INPP4B: variants seen among roughly 807,000 people sequenced by gnomAD.
The protein encoded by INPP4B is inositol polyphosphate-4-phosphatase type II B.
INPP4B carries 55 observed loss-of-function variants against 122.5 expected under a neutral mutation model. The ratio of observed to expected loss-of-function variants is 0.45; its 90% CI spans 0.36 to 0.56. The LOEUF is 0.56. INPP4B is among the 20% of genes least tolerant of loss of function. INPP4B has a pLI of 0.00. For synonymous variants in INPP4B, 403 were observed against 388.7 expected (o/e 1.04, Z -0.43); for missense variants, 1,000 against 1,097.7 (o/e 0.91, Z 1.26).
chr4:142,418,347 G>C (rs1806188038), intron 5 of INPP4B, among the ~76,000 whole-genome samples: 1 of 152,038 alleles, frequency 6.6e-6, no homozygotes, highest in Non-Finnish European at 1.5e-5. Flanking sequence ...TGAGGATAAA[G>C]CAATGGAATT....
chr4:142,478,375 C>G (rs1237731717), intron 2 of INPP4B, among the ~76,000 whole-genome samples: 1 of 151,500 alleles, frequency 6.6e-6, no homozygotes. Context: ...CTCCTTTTGC[C>G]CATTCAATAT....
chr4:142,558,235 A>G (rs1392250551), intron 2 of INPP4B, among the ~76,000 whole-genome samples: 1 of 152,064 alleles, frequency 6.6e-6, no homozygotes, highest in Non-Finnish European at 1.5e-5. Context: ...CAGTCTGTGT[A>G]CTCAGGTCAC....
At chr4:142,814,472 C>T (rs555431786) in intron 1 of INPP4B, among the ~76,000 whole-genome samples, 1 of 152,234 alleles carries the variant, frequency 6.6e-6, no homozygotes, top group East Asian at 1.9e-4. Context: ...ATAGATACCA[C>T]TATCTAGTTC....
chr4:142,177,258 A>T (rs1828749933), intron 15 of INPP4B, among the ~76,000 whole-genome samples: 1 of 3,680 alleles, frequency 2.7e-4, no homozygotes, highest in South Asian at 0.1. Flanking sequence ...ATAGTATGGT[A>T]TGGAAAAAAA....
chr4:142,705,828 T>G (rs1369497650), intron 2 of INPP4B, among the ~76,000 whole-genome samples: 2 of 152,230 alleles, frequency 1.3e-5, no homozygotes, highest in East Asian at 3.8e-4. Context: ...AGTTAAGCAC[T>G]CAGTATACTG....
At chr4:142,631,118 T>C (rs1747855174) in intron 2 of INPP4B, among the ~76,000 whole-genome samples, 1 of 152,046 alleles carries the variant, frequency 6.6e-6, no homozygotes. Context: ...ACCCTCCAGG[T>C]ACAACATACA....
intron 2 of INPP4B, among the ~76,000 whole-genome samples, chr4:142,687,365 G>C (rs562405870): frequency 6.6e-6 from 1 of 151,862 alleles, no homozygotes; most frequent in East Asian, 1.9e-4. Flanking sequence ...ATCAAGAAAA[G>C]GCAAAAATAA....
At chr4:142,455,581 G>A (rs1815227980) in intron 3 of INPP4B, among the ~76,000 whole-genome samples, 1 of 151,884 alleles carries the variant, frequency 6.6e-6, no homozygotes, top group Non-Finnish European at 1.5e-5. Context: ...CACTTAGGCT[G>A]CTTCCAACTA....
intron 15 of INPP4B, among the ~76,000 whole-genome samples, chr4:142,185,274 A>C (rs1832641061): frequency 6.6e-6 from 1 of 152,002 alleles, no homozygotes; most frequent in Non-Finnish European, 1.5e-5. Flanking sequence ...AAAAGAAGCA[A>C]GTTTGAGAGC....
chr4:142,693,773 T>G (rs909499219), intron 2 of INPP4B, among the ~76,000 whole-genome samples: 42 of 152,296 alleles, frequency 2.8e-4, no homozygotes, highest in African/African-American at 9.9e-4. Flanking sequence ...ATGATATATG[T>G]TGTTTTATCT....
chr4:142,803,649 T>TAAAAAAAAAAAAAA (rs34262906), intron 1 of INPP4B, among the ~76,000 whole-genome samples: 4 of 138,932 alleles, frequency 2.9e-5, no homozygotes, highest in Non-Finnish European at 4.7e-5. Flanking sequence ...CAATAAAACT[T>TAAAAAAAAAAAAAA]AAAAAAAAAA....
At chr4:142,091,517 G>T (rs28460053) in intron 23 of INPP4B, among the ~76,000 whole-genome samples, 38,067 of 152,028 alleles carry the variant, frequency 0.25, 4,813 homozygotes, top group East Asian at 0.3. Flanking sequence ...CAGCCTCAGA[G>T]GGGAAGCCTA....
At chr4:142,053,454 A>G (rs193228924) in intron 25 of INPP4B, among the ~76,000 whole-genome samples, 34 of 152,190 alleles carry the variant, frequency 2.2e-4, no homozygotes, top group South Asian at 6.2e-4. Flanking sequence ...GGAAACATGT[A>G]TTTTATAAAC....
At chr4:142,634,236 GC>G (rs1748622842) in intron 2 of INPP4B, among the ~76,000 whole-genome samples, 1 of 152,104 alleles carries the variant, frequency 6.6e-6, no homozygotes, top group South Asian at 2.1e-4. Context: ...AGATGGCTTG[GC>G]TGATAATTCT....
chr4:142,538,545 C>A (rs967346270), intron 2 of INPP4B, among the ~76,000 whole-genome samples: 1 of 151,998 alleles, frequency 6.6e-6, no homozygotes, highest in Non-Finnish European at 1.5e-5. Flanking sequence ...ATATGATATT[C>A]TTTGTGATAT....
At chr4:142,312,013 A>C (rs1765686472) in intron 8 of INPP4B, among the ~76,000 whole-genome samples, 1 of 152,200 alleles carries the variant, frequency 6.6e-6, no homozygotes, top group African/African-American at 2.4e-5. Context: ...CCCATTCATT[A>C]GTTTTAAGCC....
At chr4:142,441,414 G>A (rs900586046) in intron 3 of INPP4B, among the ~76,000 whole-genome samples, 9 of 152,074 alleles carry the variant, frequency 5.9e-5, no homozygotes, top group African/African-American at 1.9e-4. Context: ...TAAATTACAA[G>A]CCACTAACCT....
At chr4:142,115,329 C>T (rs975546598) in intron 21 of INPP4B, among the ~76,000 whole-genome samples, 14 of 151,980 alleles carry the variant, frequency 9.2e-5, no homozygotes, top group South Asian at 2.1e-4. Context: ...AGATATTCCT[C>T]GAGAAGAGCA....
chr4:142,093,901 A>AC (rs1780674759), intron 23 of INPP4B, among the ~76,000 whole-genome samples: 1 of 151,996 alleles, frequency 6.6e-6, no homozygotes. Context: ...AAGGAAAAAA[A>AC]CAAACTTTAA....
Sources: allele counts gnomAD v4.1 joint callset (sites outside exome capture counted in the v4.1 genomes callset), GRCh38; gene constraint gnomAD v4.1.1; transcripts MANE v1.5; gene names NCBI Gene and HGNC (gene_info 2026-07-23, HGNC 2026-07-21).